The following NHSL3 variants were observed in gnomAD, a reference collection of about 807,000 sequenced individuals.
NHSL3 encodes NHS like 3, also known as NHS-like protein 3.
the NHSL3 span, chr1:32,742,042 G>A: frequency 1.6e-6 from 2 of 1,259,910 alleles, no homozygotes; most frequent in East Asian, 3.2e-5. Flanking sequence ...GTCCCGCTCC[G>A]GCGCGTCCGG....
chr1:32,772,219 G>T, the NHSL3 span: 2 of 1,609,396 alleles, frequency 1.2e-6, no homozygotes, highest in South Asian at 2.2e-5. Flanking sequence ...GCCACCCCAG[G>T]CCCCAAAGAA....
chr1:32,752,347 G>A, the NHSL3 span, among the ~76,000 whole-genome samples: 1 of 152,112 alleles, frequency 6.6e-6, no homozygotes, highest in African/African-American at 2.4e-5. Flanking sequence ...TATAGTGGAG[G>A]GGCTTGTTCT....
the NHSL3 span, among the ~76,000 whole-genome samples, chr1:32,760,106 G>A: frequency 6.6e-6 from 1 of 152,234 alleles, no homozygotes; most frequent in African/African-American, 2.4e-5. Context: ...GCAGTGAGGG[G>A]TTGAGGCTAA....
the NHSL3 span, among the ~76,000 whole-genome samples, chr1:32,745,195 C>G: frequency 3.8e-4 from 58 of 151,488 alleles, no homozygotes; most frequent in Admixed American, 5.9e-4. Flanking sequence ...GGTTGCTATG[C>G]CTGTGTTTAT....
chr1:32,770,107 A>G, the NHSL3 span: 4 of 1,556,940 alleles, frequency 2.6e-6, no homozygotes, highest in South Asian at 3.6e-5. This position sits in a 1 kb window ranked among gnomAD's most constrained non-coding sequence, Gnocchi z 8.3. Flanking sequence ...TGGCCGGTCC[A>G]CGGGTACCCG....
chr1:32,768,579 T>A, the NHSL3 span: 2 of 1,579,878 alleles, frequency 1.3e-6, no homozygotes, highest in East Asian at 2.3e-5. Context: ...TGAGCTGGAT[T>A]TGTCTCAAAA....
chr1:32,761,301 C>T, the NHSL3 span, among the ~76,000 whole-genome samples: 3 of 152,152 alleles, frequency 2.0e-5, no homozygotes, highest in Admixed American at 2.0e-4. Context: ...CCAAGCGAGC[C>T]ACAGGTGTAT....
chr1:32,769,986 G>A, the NHSL3 span: 3 of 1,605,874 alleles, frequency 1.9e-6, no homozygotes, highest in Middle Eastern at 1.7e-4. Flanking sequence ...CCTCAGGGAT[G>A]GGGGCCCGGG....
chr1:32,764,502 C>G, the NHSL3 span, among the ~76,000 whole-genome samples: 1 of 149,358 alleles, frequency 6.7e-6, no homozygotes, highest in Non-Finnish European at 1.5e-5. Context: ...GAGTCTTGCT[C>G]TGTCATCCAG....
chr1:32,757,277 T>A, the NHSL3 span, among the ~76,000 whole-genome samples: 3 of 151,532 alleles, frequency 2.0e-5, no homozygotes, highest in Non-Finnish European at 4.4e-5. Flanking sequence ...CCAGTGAAGG[T>A]GTTTGAGCAA....
At chr1:32,753,828 G>A in the NHSL3 span, among the ~76,000 whole-genome samples, 1 of 152,186 alleles carries the variant, frequency 6.6e-6, no homozygotes, top group Non-Finnish European at 1.5e-5. Context: ...TCCCCTGTGC[G>A]CCCTAGGCTG....
chr1:32,769,816 G>C, the NHSL3 span: 3 of 1,611,240 alleles, frequency 1.9e-6, no homozygotes, highest in Non-Finnish European at 2.5e-6. Context: ...GGCAGTGGTG[G>C]GGTGGGTGGG....
the NHSL3 span, among the ~76,000 whole-genome samples, chr1:32,754,370 T>C: frequency 1.9e-4 from 29 of 151,860 alleles, no homozygotes; most frequent in Admixed American, 3.9e-4. Context: ...CGGGCACACG[T>C]ACATGTTCGC....
the NHSL3 span, chr1:32,772,459 A>G: frequency 6.6e-7 from 1 of 1,513,676 alleles, no homozygotes; most frequent in East Asian, 2.3e-5. Context: ...GGGCAGTGCT[A>G]GGGTGAGGTC....
chr1:32,769,792 G>C, the NHSL3 span: 1 of 1,610,876 alleles, frequency 6.2e-7, no homozygotes, highest in Non-Finnish European at 8.5e-7. Flanking sequence ...GCTTGGTGAG[G>C]CCTGGGTTAG....
At chr1:32,760,930 C>CCTGG in the NHSL3 span, among the ~76,000 whole-genome samples, 1 of 152,132 alleles carries the variant, frequency 6.6e-6, no homozygotes, top group Non-Finnish European at 1.5e-5. Context: ...CGGAGGTGGC[C>CCTGG]CCAGTGGGAC....
the NHSL3 span, chr1:32,769,525 C>G: frequency 1.5e-6 from 1 of 670,478 alleles, no homozygotes; most frequent in East Asian, 2.7e-5. Context: ...CAGAAAGAAG[C>G]CTCTAGCTTT....
chr1:32,770,115 C>T, the NHSL3 span: 1 of 1,557,528 alleles, frequency 6.4e-7, no homozygotes, highest in Non-Finnish European at 8.7e-7. This position sits in a 1 kb window ranked among gnomAD's most constrained non-coding sequence, Gnocchi z 8.3. Context: ...CCACGGGTAC[C>T]CGGGCCCCAC....
the NHSL3 span, chr1:32,770,152 G>A: frequency 6.3e-7 from 1 of 1,592,340 alleles, no homozygotes; most frequent in Non-Finnish European, 8.6e-7. This position sits in a 1 kb window ranked among gnomAD's most constrained non-coding sequence, Gnocchi z 8.3. Flanking sequence ...GTCCCTAGCA[G>A]TGCCTGGATT....
Sources: gnomAD v4.1 joint callset for allele counts (sites outside exome capture counted in the v4.1 genomes callset) on GRCh38, gnomAD v4.1.1 for gene constraint, Gnocchi (gnomAD v3.1) non-coding constraint, MANE v1.5 for transcripts, NCBI Gene and HGNC (gene_info 2026-07-23, HGNC 2026-07-21) for gene names.